Variants in RFX4 observed in about 807,000 individuals in gnomAD.
RFX4 encodes regulatory factor X4.
A neutral mutation model predicts 95.0 loss-of-function variants in RFX4; 10 were observed. The observed-to-expected ratio is 0.11, with a 90% CI of 0.06 to 0.18. The LOEUF (loss-of-function observed/expected upper bound fraction) is 0.18. RFX4 is among the 10% of genes least tolerant of loss of function. RFX4 has a pLI of 1.00. For missense variants in RFX4, 640 were observed against 922.0 expected (o/e 0.69, Z 3.96); for synonymous variants, 321 against 340.7 (o/e 0.94, Z 0.64).
Position 106,668,245 on chromosome 12 carries a change from A to G in RFX4, c.316-13748A>G, listed in dbSNP as rs73391332. Reference sequence around the variant, plus strand: ...GGTCCAAAATGACTGCTAGACTCCAAAAACTATCTTCCAGGAAAGAAGTAG... The same window carrying G: ...GGTCCAAAATGACTGCTAGACTCCAGAAACTATCTTCCAGGAAAGAAGTAG... On this transcript the variant is annotated intron_variant, in intron 4 of 17. Coordinates refer to ENST00000392842, the MANE Select transcript of RFX4 (RefSeq NM_213594.3). Among the ~76,000 whole-genome samples the G allele has an allele frequency of 5.1e-3, 777 of 152,292 alleles. 8 individuals are homozygous for G. Among genetic ancestry groups the G allele is most frequent in the African/African-American group, 0.017 (712 of 41,542 alleles).
chr12:106,744,660 A>G (rs1422029659), intron 15 of RFX4, among the ~76,000 whole-genome samples: 1 of 152,228 alleles, frequency 6.6e-6, no homozygotes, highest in Non-Finnish European at 1.5e-5. Flanking sequence ...AGGCTTGCCC[A>G]AGATCTTATA....
rs141034635 is a variant in RFX4 at position 106,759,594 on chromosome 12, C to A, written c.1936-1603C>A. Among the ~76,000 whole-genome samples the A allele has an allele frequency of 7.2e-5, 11 of 152,266 alleles. No homozygotes were observed. In the East Asian group the frequency reaches 2.1e-3, roughly 29 times the overall value. On this transcript the variant is annotated intron_variant, in intron 17 of 17. Coordinates refer to ENST00000392842, the MANE Select transcript of RFX4 (RefSeq NM_213594.3). ...GTGCAGGCCTGAGGGTCCACCACTG[C>A]TGCCACACAAACAGCATCCTGTAGG...
At chr12:106,697,111 C>T (rs2041895451) in intron 8 of RFX4, among the ~76,000 whole-genome samples, 1 of 152,132 alleles carries the variant, frequency 6.6e-6, no homozygotes, top group Non-Finnish European at 1.5e-5. Context: ...GGCTGTGTTC[C>T]CTTCCAAGCA....
intron 11 of RFX4, among the ~76,000 whole-genome samples, chr12:106,718,331 C>T (rs545929869): frequency 2.1e-4 from 32 of 152,326 alleles, no homozygotes; most frequent in African/African-American, 7.2e-4. Flanking sequence ...GTGCCACATG[C>T]TTGGTACACA....
intron 5 of RFX4, chr12:106,683,643 G>C (rs1346516394): frequency 1.3e-5 from 2 of 152,110 alleles, no homozygotes; most frequent in African/African-American, 4.8e-5. Context: ...TCAAACAGAA[G>C]AGTGGATGGA....
At chr12:106,638,267 G>A (rs10861640) in intron 2 of RFX4, among the ~76,000 whole-genome samples, 2 of 151,934 alleles carry the variant, frequency 1.3e-5, no homozygotes, top group East Asian at 1.9e-4. Context: ...CTTGGCCTCC[G>A]AAAGTGCTGG....
At chr12:106,757,046 T>C (rs2043121152) in intron 17 of RFX4, among the ~76,000 whole-genome samples, 1 of 152,218 alleles carries the variant, frequency 6.6e-6, no homozygotes, top group Non-Finnish European at 1.5e-5. Flanking sequence ...TTCCCTTCTC[T>C]TGACCTTAAT....
intron 3 of RFX4, among the ~76,000 whole-genome samples, chr12:106,642,292 G>A (rs117837580): frequency 0.12 from 18,305 of 151,054 alleles, 1,101 homozygotes; most frequent in South Asian, 0.15. Flanking sequence ...TTACAGGTGT[G>A]AGCCACCGTG....
chr12:106,729,493 TA>T (rs1446795957), intron 13 of RFX4, among the ~76,000 whole-genome samples: 2 of 152,224 alleles, frequency 1.3e-5, no homozygotes. Context: ...CTGTAGCACA[TA>T]ACGATTGAGG....
intron 7 of RFX4, among the ~76,000 whole-genome samples, chr12:106,691,288 A>G (rs1036236612): frequency 2.5e-4 from 38 of 152,248 alleles, no homozygotes; most frequent in Non-Finnish European, 5.3e-4. Context: ...AAAAGGTCAT[A>G]CAAATGCTTG....
chr12:106,696,574 T>C, intron 8 of RFX4, 128 bp downstream of exon 8: 1 of 798,136 alleles, frequency 1.3e-6, no homozygotes, highest in Non-Finnish European at 1.8e-6. Flanking sequence ...ATATTGAACT[T>C]TTAAATATTA....
At chr12:106,758,511 G>A (rs1274061819) in intron 17 of RFX4, among the ~76,000 whole-genome samples, 2 of 152,096 alleles carry the variant, frequency 1.3e-5, no homozygotes, top group Admixed American at 6.5e-5. Flanking sequence ...AGGCAAAAAA[G>A]CCACACTCTC....
intron 4 of RFX4, among the ~76,000 whole-genome samples, chr12:106,667,185 T>C (rs2041193987): frequency 6.6e-6 from 1 of 152,134 alleles, no homozygotes; most frequent in African/African-American, 2.4e-5. Context: ...TTGGCTAGAA[T>C]TGGATATTTC....
At chr12:106,703,007 C>T (rs960758476) in intron 8 of RFX4, among the ~76,000 whole-genome samples, 1 of 152,228 alleles carries the variant, frequency 6.6e-6, no homozygotes. Flanking sequence ...TCTTTTGCAT[C>T]TGTCATTCCA....
intron 1 of RFX4, among the ~76,000 whole-genome samples, chr12:106,605,196 A>G (rs1049095328): frequency 2.0e-5 from 3 of 152,252 alleles, no homozygotes; most frequent in Non-Finnish European, 2.9e-5. Context: ...CTACAAATCA[A>G]TAAGGTGGAA....
intron 16 of RFX4, among the ~76,000 whole-genome samples, chr12:106,748,748 A>C (rs775464716): frequency 3.9e-5 from 6 of 152,164 alleles, no homozygotes; most frequent in South Asian, 4.2e-4. Context: ...CAGGAGTTCG[A>C]GACCAGCCTG....
At chr12:106,617,098 T>C (rs989990935) in intron 2 of RFX4, among the ~76,000 whole-genome samples, 5 of 152,162 alleles carry the variant, frequency 3.3e-5, no homozygotes, top group African/African-American at 1.2e-4. Context: ...TCTATGTTGA[T>C]GTTCTTTCAT....
chr12:106,694,560 C>G (rs1314939856), intron 7 of RFX4, among the ~76,000 whole-genome samples: 1 of 152,168 alleles, frequency 6.6e-6, no homozygotes, highest in Admixed American at 6.5e-5. Context: ...ACAAATGCCA[C>G]AAGAGAGACT....
At chr12:106,611,534 A>G (rs2039961205) in intron 2 of RFX4, among the ~76,000 whole-genome samples, 1 of 149,790 alleles carries the variant, frequency 6.7e-6, no homozygotes, top group African/African-American at 2.5e-5. Context: ...TTTTTCAGAC[A>G]GAGTCTCACT....
Sources: allele counts gnomAD v4.1 joint callset (sites outside exome capture counted in the v4.1 genomes callset), GRCh38; gene constraint gnomAD v4.1.1; transcripts MANE v1.5; gene names NCBI Gene and HGNC (gene_info 2026-07-23, HGNC 2026-07-21).